DACH1: variants seen among roughly 807,000 people sequenced by gnomAD.
DACH1 encodes the protein dachshund family transcription factor 1.
In DACH1, 12 loss-of-function variants were observed where a neutral mutation model predicts 54.2. The observed-to-expected ratio is 0.22, with a 90% CI of 0.14 to 0.36. The LOEUF is 0.36. Among genes scored for constraint, DACH1 ranks in the 10% least tolerant of loss-of-function variants. DACH1 has a pLI of 1.00. For missense variants in DACH1, 805 were observed against 929.8 expected (o/e 0.87, Z 1.75); for synonymous variants, 386 against 366.2 (o/e 1.05, Z -0.62).
intron 2 of DACH1, among the ~76,000 whole-genome samples, chr13:71,678,933 T>G (rs1050859745): frequency 6.6e-6 from 1 of 152,214 alleles, no homozygotes; most frequent in African/African-American, 2.4e-5. Context: ...GTGCTGGGAT[T>G]GTAGGCCTGA....
chr13:71,768,001 T>C (rs1240107026), intron 1 of DACH1, among the ~76,000 whole-genome samples: 1 of 152,006 alleles, frequency 6.6e-6, no homozygotes, highest in East Asian at 1.9e-4. Flanking sequence ...AATTTTTACG[T>C]ATTGAATTCT....
intron 1 of DACH1, among the ~76,000 whole-genome samples, chr13:71,716,611 T>C (rs1332057993): frequency 6.6e-6 from 1 of 152,148 alleles, no homozygotes; most frequent in Non-Finnish European, 1.5e-5. Flanking sequence ...TTTACTTCTA[T>C]TGTATCATGG....
chr13:71,450,060 GA>G (rs1267499508), intron 10 of DACH1, among the ~76,000 whole-genome samples: 1 of 151,416 alleles, frequency 6.6e-6, no homozygotes, highest in African/African-American at 2.4e-5. Context: ...CCTAAAACAA[GA>G]AAAAATGTTC....
At chr13:71,729,095 T>G (rs1008007984) in intron 1 of DACH1, among the ~76,000 whole-genome samples, 8 of 151,776 alleles carry the variant, frequency 5.3e-5, no homozygotes, top group Non-Finnish European at 7.4e-5. Context: ...CATCTAAGAG[T>G]GATGGACAAT....
chr13:71,667,408 A>G (rs1879910452), intron 2 of DACH1, among the ~76,000 whole-genome samples: 1 of 152,200 alleles, frequency 6.6e-6, no homozygotes, highest in African/African-American at 2.4e-5. Flanking sequence ...TGATGGGATG[A>G]TACGCTAATG....
intron 3 of DACH1, 42 bp from the exon 4 acceptor site, chr13:71,573,054 T>C (rs1470795101): frequency 9.7e-6 from 15 of 1,547,808 alleles, no homozygotes; most frequent in Non-Finnish European, 1.3e-5. Flanking sequence ...CTGGAGGACA[T>C]AAATCATTAA....
chr13:71,482,344 T>C (rs1878115275), intron 7 of DACH1, among the ~76,000 whole-genome samples: 1 of 152,152 alleles, frequency 6.6e-6, no homozygotes, highest in Non-Finnish European at 1.5e-5. Context: ...CTAAGAAACA[T>C]TTCTTAATAA....
intron 1 of DACH1, among the ~76,000 whole-genome samples, chr13:71,702,480 A>G (rs1157489786): frequency 6.6e-6 from 1 of 152,188 alleles, no homozygotes; most frequent in Non-Finnish European, 1.5e-5. Flanking sequence ...GTCCTATAAA[A>G]CAATAAACTT....
intron 1 of DACH1, among the ~76,000 whole-genome samples, chr13:71,761,349 T>G (rs957211689): frequency 6.6e-6 from 1 of 152,188 alleles, no homozygotes; most frequent in Admixed American, 6.5e-5. Flanking sequence ...CTTGTACTTA[T>G]AAGCGCTGAC....
At chr13:71,563,496 A>ATAATACCTTG (rs1221601277) in intron 4 of DACH1, among the ~76,000 whole-genome samples, 5 of 151,968 alleles carry the variant, frequency 3.3e-5, no homozygotes. Flanking sequence ...TGCCATTAAA[A>ATAATACCTTG]TAATTCCTTG....
chr13:71,616,816 AAGAG>A (rs139700767), intron 3 of DACH1, among the ~76,000 whole-genome samples: 11 of 150,788 alleles, frequency 7.3e-5, no homozygotes, highest in African/African-American at 1.9e-4. Flanking sequence ...TATACATAGA[AAGAG>A]AGAGAGAGAG....
chr13:71,663,971 G>A (rs1040878061), intron 2 of DACH1, among the ~76,000 whole-genome samples: 10 of 152,030 alleles, frequency 6.6e-5, no homozygotes, highest in Admixed American at 2.6e-4. Context: ...ATTCCCAGAT[G>A]TAAAATCTTA....
At chr13:71,665,223 A>T (rs548984854) in intron 2 of DACH1, among the ~76,000 whole-genome samples, 29 of 151,644 alleles carry the variant, frequency 1.9e-4, no homozygotes, top group African/African-American at 6.8e-4. Flanking sequence ...AATGTAAAAG[A>T]AAAAAAAAGT....
intron 6 of DACH1, among the ~76,000 whole-genome samples, chr13:71,531,613 C>T (rs557824563): frequency 6.6e-6 from 1 of 151,480 alleles, no homozygotes; most frequent in East Asian, 1.9e-4. Flanking sequence ...CCTGTTAACT[C>T]CTGAAATATT....
chr13:71,626,400 T>C (rs1468091252), intron 3 of DACH1, among the ~76,000 whole-genome samples: 1 of 151,964 alleles, frequency 6.6e-6, no homozygotes, highest in African/African-American at 2.4e-5. Context: ...AACATAGCTA[T>C]AGACACTATC....
intron 3 of DACH1, among the ~76,000 whole-genome samples, chr13:71,614,188 A>G (rs564526962): frequency 1.3e-5 from 2 of 152,266 alleles, no homozygotes; most frequent in East Asian, 1.9e-4. Flanking sequence ...AGGGGAGAGT[A>G]TATTACCACT....
rs752600659 is a variant in DACH1, at chr13:71,475,867, C to G, written c.1871-18G>C. On this transcript the variant is annotated intron_variant, in intron 8 of 10. Coordinates refer to ENST00000613252, the MANE Select transcript of DACH1 (RefSeq NM_080759.6). ...AACTATGGCTAAAAAAGAGTGTATG[C>G]ATATTATTATTATTATTTTTAAATT... 21 of 1,495,642 alleles carry G rather than the reference C, an allele frequency of 1.4e-5. No individual in the cohort carries two copies. Among genetic ancestry groups the G allele is most frequent in the Non-Finnish European group, 1.9e-5 (21 of 1,122,266 alleles). The allele number at this position is 1,495,642 out of a possible 1,614,324, so 92.6% of individuals were successfully genotyped here.
chr13:71,831,540 G>A (rs1888589688), intron 1 of DACH1, among the ~76,000 whole-genome samples: 1 of 151,670 alleles, frequency 6.6e-6, no homozygotes, highest in Admixed American at 6.6e-5. Flanking sequence ...GCTTTTTTCT[G>A]TACTACTATA....
intron 6 of DACH1, among the ~76,000 whole-genome samples, chr13:71,538,008 T>C (rs1302128244): frequency 3.9e-5 from 6 of 152,116 alleles, no homozygotes; most frequent in Admixed American, 6.6e-5. Context: ...TCAGATATGC[T>C]AGCTTCTGAA....
Sources: allele counts gnomAD v4.1 joint callset (sites outside exome capture counted in the v4.1 genomes callset), GRCh38; gene constraint gnomAD v4.1.1; transcripts MANE v1.5; gene names NCBI Gene and HGNC (gene_info 2026-07-23, HGNC 2026-07-21).